Variants in HMGCLL1 observed in about 807,000 individuals in gnomAD.
HMGCLL1 encodes the protein 3-hydroxy-3-methylglutaryl-CoA lyase like 1.
In HMGCLL1, 36 loss-of-function variants were observed where a neutral mutation model predicts 39.1. The observed-to-expected ratio is 0.92, with a 90% CI of 0.71 to 1.22. The LOEUF (loss-of-function observed/expected upper bound fraction) is 1.22. Among genes scored for constraint, HMGCLL1 ranks in the 50% most tolerant of loss-of-function variants. The pLI, the probability that HMGCLL1 is intolerant of heterozygous loss-of-function variation, is 0.00. For synonymous variants in HMGCLL1, 149 were observed against 144.0 expected (o/e 1.03, Z -0.25); for missense variants, 451 against 416.5 (o/e 1.08, Z -0.72).
chr6:55,641,673 T>A, the HMGCLL1 span, among the ~76,000 whole-genome samples: 1 of 151,858 alleles, frequency 6.6e-6, no homozygotes, highest in African/African-American at 2.4e-5. Context: ...ATCTTCCAAT[T>A]ATTTCAGCCA....
At chr6:55,580,068 A>G (rs1771946034), upstream of HMGCLL1, among the ~76,000 whole-genome samples, 1 of 152,128 alleles carries the variant, frequency 6.6e-6, no homozygotes, top group Non-Finnish European at 1.5e-5. Context: ...CAGGGTGTCC[A>G]TGGCCAGGAA....
At chr6:55,528,104 C>A (rs1394636729) in intron 3 of HMGCLL1, among the ~76,000 whole-genome samples, 3 of 152,020 alleles carry the variant, frequency 2.0e-5, no homozygotes, top group African/African-American at 7.2e-5. Context: ...CTTTGCCCCA[C>A]CACCAACTCT....
At chr6:55,508,727 A>G (rs946880521) in intron 5 of HMGCLL1, among the ~76,000 whole-genome samples, 3 of 151,884 alleles carry the variant, frequency 2.0e-5, no homozygotes. Context: ...ATAATTTTAA[A>G]TTATTGTAAG....
intron 3 of HMGCLL1, among the ~76,000 whole-genome samples, chr6:55,533,315 C>T (rs1040284188): frequency 6.6e-6 from 1 of 151,142 alleles, no homozygotes; most frequent in African/African-American, 2.4e-5. Context: ...ATTTTAGTAT[C>T]CAAAATATGT....
chr6:55,518,753 A>C (rs1767882064), intron 3 of HMGCLL1, among the ~76,000 whole-genome samples: 1 of 152,098 alleles, frequency 6.6e-6, no homozygotes, highest in Non-Finnish European at 1.5e-5. Context: ...GTCACCCCCT[A>C]AATTTGTGAT....
intron 3 of HMGCLL1, among the ~76,000 whole-genome samples, chr6:55,523,516 T>G (rs1423429570): frequency 6.6e-6 from 1 of 151,956 alleles, no homozygotes; most frequent in African/African-American, 2.4e-5. Flanking sequence ...ACCATTTAAT[T>G]CCTTAGGTTG....
the HMGCLL1 span, among the ~76,000 whole-genome samples, chr6:55,592,112 A>C: frequency 8.5e-5 from 13 of 152,120 alleles, no homozygotes; most frequent in South Asian, 2.7e-3. Context: ...AAGACCTGGG[A>C]GGGAAGGAGG....
At chr6:55,499,180 T>A (rs1766739751) in intron 6 of HMGCLL1, 56 bp downstream of exon 6, 1 of 1,381,176 alleles carries the variant, frequency 7.2e-7, no homozygotes. Context: ...AGCCCCCTTT[T>A]AAAAATAATA....
chr6:55,477,387 A>ATTATAT (rs1250328350), intron 7 of HMGCLL1, among the ~76,000 whole-genome samples: 1 of 18,416 alleles, frequency 5.4e-5, no homozygotes, highest in African/African-American at 5.1e-4. Flanking sequence ...TATATTATCT[A>ATTATAT]AATATAATAT....
rs147696153 is a variant in HMGCLL1, at chr6:55,464,669, A to T, written c.796-25110T>A. Among the ~76,000 whole-genome samples the T allele has an allele frequency of 3.5e-3, 532 of 152,206 alleles. 6 individuals are homozygous for T. The highest frequency in any genetic ancestry group is 0.012 in the African/African-American group (496 of 41,534). On this transcript the variant is annotated intron_variant, in intron 7 of 8. Transcript: ENST00000274901. ...AAACTCAAATTCCTACCAGTTTAAGAGATTTGACACTCAGAGCCCAGGCCT... is the reference window on the plus strand; with the variant it reads ...AAACTCAAATTCCTACCAGTTTAAGTGATTTGACACTCAGAGCCCAGGCCT...
chr6:55,507,437 A>G (rs1767227546), intron 5 of HMGCLL1, among the ~76,000 whole-genome samples: 1 of 151,630 alleles, frequency 6.6e-6, no homozygotes, highest in Non-Finnish European at 1.5e-5. Flanking sequence ...ACTAAACCCA[A>G]CTCAATATCT....
At chr6:55,564,757 G>A (rs1771131346) in intron 1 of HMGCLL1, among the ~76,000 whole-genome samples, 1 of 150,774 alleles carries the variant, frequency 6.6e-6, no homozygotes. Context: ...AAGGATGCAT[G>A]TATCAGAAAT....
chr6:55,435,847 T>A, intron 8 of HMGCLL1, 84 bp from the exon 9 acceptor site: 1 of 598,244 alleles, frequency 1.7e-6, no homozygotes, highest in Non-Finnish European at 2.8e-6. Flanking sequence ...ATTTTATTAG[T>A]AGTTACTTAA....
At chr6:55,452,060 A>G (rs1764116660) in intron 7 of HMGCLL1, among the ~76,000 whole-genome samples, 1 of 152,212 alleles carries the variant, frequency 6.6e-6, no homozygotes, top group Admixed American at 6.5e-5. Flanking sequence ...ACAATACTGT[A>G]TGTAATATCA....
chr6:55,524,821 G>A (rs986891956), intron 3 of HMGCLL1, among the ~76,000 whole-genome samples: 2 of 151,796 alleles, frequency 1.3e-5, no homozygotes, highest in Non-Finnish European at 2.9e-5. Context: ...GAGGGACCTT[G>A]ACAGATGCAA....
At chr6:55,638,025 A>T in the HMGCLL1 span, among the ~76,000 whole-genome samples, 5 of 152,228 alleles carry the variant, frequency 3.3e-5, no homozygotes, top group South Asian at 1.0e-3. Context: ...GTGACCCTAG[A>T]ATTTGATGCT....
chr6:55,437,641 G>A (rs1480196196), intron 8 of HMGCLL1, among the ~76,000 whole-genome samples: 1 of 152,066 alleles, frequency 6.6e-6, no homozygotes, highest in African/African-American at 2.4e-5. Context: ...GCCAGATTAT[G>A]TGATAGAGCA....
At chr6:55,444,284 G>A (rs1279693840) in intron 7 of HMGCLL1, among the ~76,000 whole-genome samples, 1 of 151,928 alleles carries the variant, frequency 6.6e-6, no homozygotes, top group Non-Finnish European at 1.5e-5. Context: ...CCTTATCAAA[G>A]AGTCCTTTCT....
intron 3 of HMGCLL1, 41 bp downstream of exon 3, chr6:55,541,688 G>C: frequency 1.0e-6 from 1 of 998,692 alleles, no homozygotes; most frequent in South Asian, 1.4e-5. Context: ...TTTTGGTGAA[G>C]TTGAATTAGG....
Sources: gnomAD v4.1 joint callset for allele counts (sites outside exome capture counted in the v4.1 genomes callset) on GRCh38, gnomAD v4.1.1 for gene constraint, MANE v1.5 for transcripts, NCBI Gene and HGNC (gene_info 2026-07-23, HGNC 2026-07-21) for gene names.